The following ANKRD24 variants were observed in gnomAD, a reference collection of about 807,000 sequenced individuals.
The protein encoded by ANKRD24 is ankyrin repeat domain 24.
ANKRD24 carries 109 observed loss-of-function variants against 127.8 expected under a neutral mutation model. That is an observed-to-expected ratio of 0.85 (90% confidence interval 0.73 to 1.00). ANKRD24 has a LOEUF of 1.00. ANKRD24 is among the 50% of genes least tolerant of loss of function. ANKRD24 has a pLI of 0.00. For synonymous variants in ANKRD24, 743 were observed against 671.1 expected (o/e 1.11, Z -1.66); for missense variants, 1,648 against 1,570.2 (o/e 1.05, Z -0.84).
At chr19:4,219,241 A>C (rs184089177) in intron 18 of ANKRD24, among the ~76,000 whole-genome samples, 363 of 152,086 alleles carry the variant, frequency 2.4e-3, no homozygotes, top group African/African-American at 8.4e-3. Context: ...AGCTGAGATT[A>C]CACCACTGCA....
At chr19:4,220,679 C>T (rs879484201) in intron 19 of ANKRD24, among the ~76,000 whole-genome samples, 18 of 150,992 alleles carry the variant, frequency 1.2e-4, no homozygotes, top group Non-Finnish European at 2.4e-4. Flanking sequence ...CTCAGCCTCC[C>T]GAGTAGCTGG....
At chr19:4,208,946 CCAA>C in intron 11 of ANKRD24, 145 bp downstream of exon 11, 4 of 869,292 alleles carry the variant, frequency 4.6e-6, no homozygotes, top group Non-Finnish European at 7.1e-6. Flanking sequence ...TATGCTGCCA[CCAA>C]GTGGCGGCAG....
At chr19:4,187,986 C>T (rs553874386) in intron 2 of ANKRD24, among the ~76,000 whole-genome samples, 98 of 152,204 alleles carry the variant, frequency 6.4e-4, no homozygotes, top group African/African-American at 2.2e-3. Context: ...GCAGAGAGTG[C>T]GAGTGAGTGG....
At chr19:4,209,734 G>A (rs922486050) in intron 11 of ANKRD24, among the ~76,000 whole-genome samples, 3 of 152,194 alleles carry the variant, frequency 2.0e-5, no homozygotes, top group Admixed American at 6.6e-5. Context: ...TTACAGGTGT[G>A]AGCCACCGCG....
At chr19:4,191,325 C>G (rs887217210) in intron 2 of ANKRD24, among the ~76,000 whole-genome samples, 30 of 151,738 alleles carry the variant, frequency 2.0e-4, no homozygotes, top group African/African-American at 7.3e-4. Context: ...AGGCCCCCCC[C>G]TCCTGTCACT....
chr19:4,219,655 C>T lies in ANKRD24; in HGVS notation c.3068C>T (p.Ala1023Val). 1 of 1,613,862 alleles carries T rather than the reference C, an allele frequency of 6.2e-7. No individual in the cohort carries two copies. The change falls in exon 19 of 22, where the codon GCA becomes GTA. Residue 1023 changes from alanine (A) to valine (V), a missense_variant. Physicochemically the swap from Ala to Val is moderately conservative, Grantham distance 64 (BLOSUM62 0). Transcript: ENST00000318934. ...GCAGCCGAGGCACAGCTGGCCACAG[C>T]AGAGCAGCAGCTACGGGGGCTACGG... The part of the protein sequence containing the change: ...RHAAEAQLAT[A>V]EQQLRGLRTE...
In ANKRD24 at chr19:4,218,095, G is replaced by A; in HGVS notation, c.2935G>A (p.Ala979Thr). 1 of 1,545,968 alleles carries A rather than the reference G, an allele frequency of 6.5e-7. No individual in the cohort carries two copies. Among genetic ancestry groups the A allele is most frequent in the Non-Finnish European group, 8.7e-7 (1 of 1,148,358 alleles). Residue 979 changes from alanine (A) to threonine (T), a missense_variant, in exon 18 of 22, where the codon GCC (alanine) becomes ACC (threonine). By Grantham distance (58) the Ala-to-Thr change is moderately conservative. Transcript: ENST00000318934. ...RIVGTLQANV[A>T]QLEGQLEELG... ...CGTGGGCACCCTGCAGGCCAACGTGGCCCAGCTGGAGGGGCAGCTGGAGGA... is the reference window on the plus strand; with the variant it reads ...CGTGGGCACCCTGCAGGCCAACGTGACCCAGCTGGAGGGGCAGCTGGAGGA...
At chr19:4,209,625 A>G (rs902454246) in intron 11 of ANKRD24, among the ~76,000 whole-genome samples, 1 of 150,478 alleles carries the variant, frequency 6.6e-6, no homozygotes, top group Non-Finnish European at 1.5e-5. Flanking sequence ...AATTTTTTGT[A>G]TTTTTAGTAG....
Position 4,191,325 on chromosome 19 carries a change from C to T in ANKRD24, c.36+4864C>T, listed in dbSNP as rs887217210. Among the ~76,000 whole-genome samples the T allele has an allele frequency of 4.9e-4, 75 of 151,738 alleles. 1 individual carries two copies. Among genetic ancestry groups the T allele is most frequent in the Non-Finnish European group, 1.0e-4 (7 of 67,878 alleles). On this transcript the variant is annotated intron_variant, in intron 2 of 21. Coordinates refer to ENST00000318934, the MANE Select transcript of ANKRD24 (RefSeq NM_001393985.1). ...ATGACTGCAGGGGCCAGGCCCCCCC[C>T]TCCTGTCACTGGGACCTTGTGTTCC...
intron 15 of ANKRD24, among the ~76,000 whole-genome samples, chr19:4,215,738 G>T (rs1970022847): frequency 6.6e-6 from 1 of 150,928 alleles, no homozygotes. Flanking sequence ...TCGCACCACT[G>T]CACTCCAGCC....
chr19:4,190,732 C>T (rs1000645787), intron 2 of ANKRD24, among the ~76,000 whole-genome samples: 2 of 152,142 alleles, frequency 1.3e-5, no homozygotes, highest in African/African-American at 2.4e-5. Context: ...AGCGAGACTC[C>T]GTCTCAAAAA....
At chr19:4,207,161 C>A (rs542873909) in intron 7 of ANKRD24, 81 bp from the exon 8 acceptor site, 2 of 1,237,124 alleles carry the variant, frequency 1.6e-6, no homozygotes, top group Non-Finnish European at 2.3e-6. Context: ...AGAACTCAAG[C>A]GAACCTCCTG....
In ANKRD24 at chr19:4,216,658, C is replaced by T. The variant is rs141690693; in HGVS notation, c.1498C>T (p.Arg500Cys). 452 of 1,601,906 alleles carry T rather than the reference C, an allele frequency of 2.8e-4. 1 individual carries two copies. The African/African-American group carries it at 5.2e-3, about 19-fold the overall frequency. The change falls in exon 18 of 22, where the codon CGC becomes TGC. Residue 500 changes from arginine (R) to cysteine (C), a missense_variant. Physicochemically the swap from Arg to Cys is radical, Grantham distance 180 (BLOSUM62 -3). Coordinates refer to ENST00000318934, the MANE Select transcript of ANKRD24 (RefSeq NM_001393985.1). ...TCTCCGGGCCGAGTTTGACCAGCTACGCAGGCAGCACGCTGAGGCCCTGCA... is the reference window on the plus strand; with the variant it reads ...TCTCCGGGCCGAGTTTGACCAGCTATGCAGGCAGCACGCTGAGGCCCTGCA... ...DSLRAEFDQL[R>C]RQHAEALQAL...
rs773899922 is a variant in ANKRD24 at position 4,222,771 on chromosome 19, G to A, written c.3273G>A (p.Val1091=). Residue 1091 remains valine (V), a synonymous_variant, in exon 20 of 22, where the codon GTG becomes GTA. Transcript: ENST00000318934. The stretch of plus-strand genomic sequence containing the variant: ...AGGTGGAGGCTCTCCGTGACCAGGT[G>A]AAGGATTTACAGCAGCAGCTGCAGG... The part of the protein sequence containing the change: ...TPEVEALRDQ[V]KDLQQQLQEA... The A allele has an allele frequency of 1.9e-6, 3 of 1,611,134 alleles. No individual in the cohort carries two copies. The highest frequency in any genetic ancestry group is 2.5e-6 in the Non-Finnish European group (3 of 1,178,070).
At chr19:4,183,064 C>T (rs1185343215) in intron 1 of ANKRD24, among the ~76,000 whole-genome samples, 2 of 151,534 alleles carry the variant, frequency 1.3e-5, no homozygotes, top group African/African-American at 2.4e-5. Context: ...CTGCAACCTC[C>T]GCCTCTTGGG....
At chr19:4,214,591 C>T (rs1327618665) in intron 15 of ANKRD24, among the ~76,000 whole-genome samples, 2 of 152,116 alleles carry the variant, frequency 1.3e-5, no homozygotes, top group African/African-American at 2.4e-5. Context: ...CGGTGGCTCA[C>T]GCCTGTAATC....
intron 7 of ANKRD24, among the ~76,000 whole-genome samples, chr19:4,203,255 G>T (rs1156703113): frequency 6.6e-6 from 1 of 152,132 alleles, no homozygotes; most frequent in African/African-American, 2.4e-5. Context: ...CACCATGGTG[G>T]CCAGGATGGT....
rs902349360 is a variant in ANKRD24 at position 4,209,426 on chromosome 19, TTTTG to T, written c.870+628_871-626del. The stretch of plus-strand genomic sequence containing the variant: ...CGCGACCCCTCTCCTAGTTTTTTTT[TTTTG>T]TTGTTGTTGTTGTTTGTTTGTTTTG... On this transcript the variant is annotated intron_variant, in intron 11 of 21. Coordinates refer to ENST00000318934, the MANE Select transcript of ANKRD24 (RefSeq NM_001393985.1). Among the ~76,000 whole-genome samples the T allele has an allele frequency of 3.4e-5, 5 of 147,976 alleles. 1 individual carries two copies. The highest frequency in any genetic ancestry group is 1.3e-4 in the African/African-American group (5 of 39,602).
rs192196410 is a variant in ANKRD24 at position 4,220,264 on chromosome 19, C to T, written c.3171+506C>T. Among the ~76,000 whole-genome samples the T allele has an allele frequency of 1.1e-4, 16 of 152,304 alleles. No individual in the cohort carries two copies. In the East Asian group the frequency reaches 2.5e-3, roughly 24 times the overall value. Reference sequence around the variant, plus strand: ...CTGGGGTTACAGGCGTGAGCCACTGCGTCTGTCTCCACAGTTACATTTATT... The same window carrying T: ...CTGGGGTTACAGGCGTGAGCCACTGTGTCTGTCTCCACAGTTACATTTATT... On this transcript the variant is annotated intron_variant, in intron 19 of 21. Coordinates refer to ENST00000318934, the MANE Select transcript of ANKRD24 (RefSeq NM_001393985.1).
Sources: gnomAD v4.1 joint callset for allele counts (sites outside exome capture counted in the v4.1 genomes callset) on GRCh38, gnomAD v4.1.1 for gene constraint, MANE v1.5 for transcripts, NCBI Gene and HGNC (gene_info 2026-07-23, HGNC 2026-07-21) for gene names.